The following SYT12 variants were observed in gnomAD, a reference collection of about 807,000 sequenced individuals.
SYT12 encodes the protein synaptotagmin 12.
In SYT12, 27 loss-of-function variants were observed where a neutral mutation model predicts 39.5. The ratio of observed to expected loss-of-function variants is 0.68; its 90% CI spans 0.50 to 0.94. The LOEUF is 0.94. SYT12 is among the 40% of genes least tolerant of loss of function. SYT12 has a pLI of 0.00. For synonymous variants in SYT12, 233 were observed against 239.7 expected (o/e 0.97, Z 0.26); for missense variants, 536 against 572.6 (o/e 0.94, Z 0.65).
At chr11:67,048,070 C>T (rs138978069) in intron 7 of SYT12, among the ~76,000 whole-genome samples, 5,086 of 150,248 alleles carry the variant, frequency 0.034, 276 homozygotes, top group African/African-American at 0.11. Flanking sequence ...GGATTACAGG[C>T]GTGAGCCACC....
At position 67,048,609 on chromosome 11, in the gene SYT12, C is replaced by T. The variant is rs562670385; in HGVS notation, c.1118C>T (p.Ala373Val). Residue 373 changes from alanine to valine, a missense_variant, in exon 8 of 8, where the codon GCT becomes GTT. Physicochemically the swap from Ala to Val is moderately conservative, Grantham distance 64 (BLOSUM62 0). Transcript: ENST00000527043. ...GACCTGTCTCTCCGCGTGACGGTGG[C>T]TGAGAGCAGCAGCGACGGCCGTGGG... ...LQDLSLRVTV[A>V]ESSSDGRGDN... is the part of the protein sequence containing the mutation. The T allele has an allele frequency of 2.5e-6, 4 of 1,604,868 alleles. No homozygotes were observed. The Admixed American group carries it at 5.0e-5, about 20-fold the overall frequency.
At chr11:67,023,846 C>G (rs1049552695) in intron 1 of SYT12, among the ~76,000 whole-genome samples, 12 of 152,244 alleles carry the variant, frequency 7.9e-5, no homozygotes, top group Admixed American at 3.9e-4. Flanking sequence ...CCCATACACC[C>G]TGGAGGTTCC....
At chr11:67,017,259 C>T (rs889620574) in intron 3 of SYT12, among the ~76,000 whole-genome samples, 4 of 152,134 alleles carry the variant, frequency 2.6e-5, no homozygotes, top group African/African-American at 4.8e-5. Flanking sequence ...TGGTGGCTCA[C>T]ACCTGTAATC....
chr11:67,030,291 C>A, intron 2 of SYT12, 113 bp downstream of exon 2: 1 of 1,256,560 alleles, frequency 8.0e-7, no homozygotes, highest in South Asian at 1.3e-5. Flanking sequence ...TTAATGTCTT[C>A]ACTGTCAAGG....
chr11:67,048,971 C>T lies in SYT12; in HGVS notation c.*214C>T, dbSNP rs1180701881. On this transcript the variant is annotated 3_prime_UTR_variant, in exon 8 of 8. Coordinates refer to ENST00000527043, the MANE Select transcript of SYT12 (RefSeq NM_177963.4). ...CCCCAGGGTCTGCTCCTGCTGAGGA[C>T]CAGCTGTGGCTGGGCCAGGACAGAG... 1.1e-5 allele frequency: 6 copies of T among 548,326 alleles called. No homozygotes were observed. The highest frequency in any genetic ancestry group is 1.9e-5 in the Non-Finnish European group (6 of 316,094). 34.0% of individuals were successfully genotyped at this position (548,326 alleles called of 1,614,324 possible).
chr11:67,047,777 C>CTTTTTT lies in SYT12; in HGVS notation c.1093-784_1093-779dup, dbSNP rs1173796349. 1.8e-4 allele frequency among the ~76,000 whole-genome samples: 14 copies of CTTTTTT among 76,034 alleles called. 2 individuals are homozygous for CTTTTTT. The highest frequency in any genetic ancestry group is 2.9e-4 in the Non-Finnish European group (12 of 41,254). The allele number at this position is 76,034 out of a possible 152,430, so 49.9% of individuals were successfully genotyped here. A position where few individuals can be genotyped will look rare whatever the true frequency, so the allele number is the denominator to read the frequency against. On this transcript the variant is annotated intron_variant, in intron 7 of 7. Coordinates refer to ENST00000527043, the MANE Select transcript of SYT12 (RefSeq NM_177963.4). ...GGCCAACATGATGAAACCCCCATCT[C>CTTTTTT]TTTTTTTTTTTTTTTTTTTTTTTTT... is the stretch of plus-strand genomic sequence containing the variant.
chr11:67,014,431 G>A (rs772804972), intron 3 of SYT12, among the ~76,000 whole-genome samples: 1 of 152,192 alleles, frequency 6.6e-6, no homozygotes, highest in Non-Finnish European at 1.5e-5. Flanking sequence ...TATGAGGGCG[G>A]GGAACAGGCG....
chr11:67,029,090 A>G (rs1255749310), intron 1 of SYT12: 3 of 152,288 alleles, frequency 2.0e-5, no homozygotes, highest in Non-Finnish European at 1.5e-5. Flanking sequence ...ACACCCACTT[A>G]GAACACATCT....
chr11:67,013,094 G>A (rs79786148), intron 3 of SYT12, among the ~76,000 whole-genome samples: 176 of 152,254 alleles, frequency 1.2e-3, no homozygotes, highest in African/African-American at 4.0e-3. Context: ...GGCTTGAGCC[G>A]GATCAATTCA....
At position 67,035,704 on chromosome 11, in the gene SYT12, G is replaced by A. The variant is rs181136345; in HGVS notation, c.228+866G>A. On this transcript the variant is annotated intron_variant, in intron 3 of 7. Transcript: ENST00000527043. ...GATCTCCTGACCTCGTGATCCGCCC[G>A]CCTTGGCCTCCCAAAGTACTGGGAT... Among the ~76,000 whole-genome samples, 16 of 151,674 alleles carry A rather than the reference G, an allele frequency of 1.1e-4. 1 individual carries two copies. In the East Asian group the frequency reaches 1.6e-3, roughly 15 times the overall value.
intron 1 of SYT12, chr11:67,028,532 G>A (rs1220696283): frequency 6.6e-6 from 1 of 152,206 alleles, no homozygotes; most frequent in Non-Finnish European, 1.5e-5. Context: ...ACCCTGACTG[G>A]AGCATGGCAC....
At chr11:67,032,031 A>G (rs1950277313) in intron 2 of SYT12, 1 of 152,242 alleles carries the variant, frequency 6.6e-6, no homozygotes, top group Admixed American at 6.5e-5. Flanking sequence ...GGCAGGAGGA[A>G]GGAGGGTTTC....
chr11:67,008,503 C>G (rs1296966028), intron 1 of SYT12, among the ~76,000 whole-genome samples: 1 of 152,088 alleles, frequency 6.6e-6, no homozygotes, highest in Non-Finnish European at 1.5e-5. Context: ...ATCCTCCCAC[C>G]TTGGCCTCCA....
At chr11:67,023,516 G>C (rs2136201503) in intron 1 of SYT12, 56 bp downstream of exon 1, 1 of 151,926 alleles carries the variant, frequency 6.6e-6, no homozygotes, top group East Asian at 1.9e-4. Context: ...CCTGATCGCG[G>C]ACGCACGCAG....
At chr11:67,037,702 G>A (rs1189053083) in intron 3 of SYT12, among the ~76,000 whole-genome samples, 1 of 151,896 alleles carries the variant, frequency 6.6e-6, no homozygotes, top group African/African-American at 2.4e-5. Flanking sequence ...CCAACATGGA[G>A]AAATGCCGTC....
rs1211704888 is a variant in SYT12, at chr11:67,039,794, C to G, written c.229-17C>G. 1 of 1,591,052 alleles carries G rather than the reference C, an allele frequency of 6.3e-7. No homozygotes were observed. Among genetic ancestry groups the G allele is most frequent in the Non-Finnish European group, 8.6e-7 (1 of 1,167,628 alleles). ...TGGCCCCCATGATGCTCCCACGTCCCTCTTTCTCACCCCTAGAGAGTGCCT... is the reference window on the plus strand; with the variant it reads ...TGGCCCCCATGATGCTCCCACGTCCGTCTTTCTCACCCCTAGAGAGTGCCT... On this transcript the variant is annotated splice_polypyrimidine_tract_variant and intron_variant, in intron 3 of 7. Transcript: ENST00000527043.
chr11:67,039,889 A>G lies in SYT12; in HGVS notation c.307A>G (p.Thr103Ala), dbSNP rs758512097. 6.2e-7 allele frequency: 1 copy of G among 1,613,656 alleles called. No individual in the cohort carries two copies. The highest frequency in any genetic ancestry group is 8.5e-7 in the Non-Finnish European group (1 of 1,180,026). ...CAAAGGCAGTCTCAGCATTGAGGAC[A>G]CCTTTGAGAGCATCAGTGAACTGGG... ...SRKGSLSIED[T>A]FESISELGPL... The change falls in exon 4 of 8, where the codon ACC becomes GCC. Residue 103 changes from threonine to alanine, a missense_variant. Physicochemically the swap from Thr to Ala is moderately conservative, Grantham distance 58. Coordinates refer to ENST00000527043, the MANE Select transcript of SYT12 (RefSeq NM_177963.4).
intron 1 of SYT12, chr11:67,009,865 G>A (rs1332617864): frequency 3.9e-5 from 6 of 153,490 alleles, no homozygotes; most frequent in South Asian, 2.1e-4. Flanking sequence ...ACGGAGTCTC[G>A]CTCTGTCGCC....
At chr11:67,035,890 C>T (rs1305836828) in intron 3 of SYT12, among the ~76,000 whole-genome samples, 1 of 121,320 alleles carries the variant, frequency 8.2e-6, no homozygotes, top group East Asian at 2.9e-4. Context: ...TTCCCTCCCT[C>T]CCTCCCTCCC....
Sources: gnomAD v4.1 joint callset for allele counts (sites outside exome capture counted in the v4.1 genomes callset) on GRCh38, gnomAD v4.1.1 for gene constraint, MANE v1.5 for transcripts, NCBI Gene and HGNC (gene_info 2026-07-23, HGNC 2026-07-21) for gene names.